KCNMB2: variants seen among roughly 807,000 people sequenced by gnomAD.
The protein encoded by KCNMB2 is calcium-activated potassium channel subunit beta-2.
A neutral mutation model predicts 24.5 loss-of-function variants in KCNMB2; 9 were observed. That is an observed-to-expected ratio of 0.37 (90% CI 0.22 to 0.64). KCNMB2 has a LOEUF of 0.64. Ranked by LOEUF, KCNMB2 falls within the 30% of genes least tolerant of loss-of-function variation. The probability of loss-of-function intolerance (pLI) is 0.63; values close to 1 mark genes in which losing one functional copy is unlikely to be tolerated. For synonymous variants in KCNMB2, 109 were observed against 104.4 expected, an observed-to-expected ratio of 1.04 and a Z score of -0.27; for missense variants, 226 against 284.3, an observed-to-expected ratio of 0.79 and a Z score of 1.47.
At chr3:178,673,963 T>C (rs553106832) in intron 1 of KCNMB2, among the ~76,000 whole-genome samples, 1 of 152,330 alleles carries the variant, frequency 6.6e-6, no homozygotes, top group South Asian at 2.1e-4. Flanking sequence ...ACCAATCGTT[T>C]TAATCATGTT....
intron 2 of KCNMB2, among the ~76,000 whole-genome samples, chr3:178,813,948 C>CGTTGTT (rs201495357): frequency 0.042 from 6,319 of 149,544 alleles, 204 homozygotes; most frequent in African/African-American, 0.086. Flanking sequence ...AACTTCACTA[C>CGTTGTT]GTTGTTGTTG....
intron 1 of KCNMB2, among the ~76,000 whole-genome samples, chr3:178,767,559 A>T (rs1712173157): frequency 6.6e-6 from 1 of 152,236 alleles, no homozygotes; most frequent in Non-Finnish European, 1.5e-5. Flanking sequence ...CGTTAGCAAG[A>T]TGTTGTTGCA....
chr3:178,662,382 G>A (rs1164363042), intron 1 of KCNMB2, among the ~76,000 whole-genome samples: 1 of 152,042 alleles, frequency 6.6e-6, no homozygotes, highest in Non-Finnish European at 1.5e-5. Flanking sequence ...TTTGAAAAAC[G>A]ATTTGAGGTA....
intron 1 of KCNMB2, among the ~76,000 whole-genome samples, chr3:178,693,085 T>C (rs759313044): frequency 3.9e-5 from 6 of 152,244 alleles, no homozygotes; most frequent in Non-Finnish European, 7.3e-5. Context: ...CTCATGATTA[T>C]TGCACATTGA....
At chr3:178,731,441 C>A (rs902610341) in intron 1 of KCNMB2, among the ~76,000 whole-genome samples, 9 of 152,148 alleles carry the variant, frequency 5.9e-5, no homozygotes, top group Non-Finnish European at 1.2e-4. Flanking sequence ...TCAGACACTG[C>A]CAAATGTCCC....
At chr3:178,688,846 G>A (rs907185495) in intron 1 of KCNMB2, among the ~76,000 whole-genome samples, 1 of 152,040 alleles carries the variant, frequency 6.6e-6, no homozygotes, top group East Asian at 1.9e-4. Context: ...GGTGGTAAAC[G>A]TTCTCATATT....
chr3:178,655,991 G>C (rs1720328833), intron 1 of KCNMB2, among the ~76,000 whole-genome samples: 1 of 152,064 alleles, frequency 6.6e-6, no homozygotes, highest in Non-Finnish European at 1.5e-5. Context: ...CCATAAAGGA[G>C]GCCCACAAAA....
intron 1 of KCNMB2, among the ~76,000 whole-genome samples, chr3:178,572,092 G>A (rs555096472): frequency 6.6e-6 from 1 of 152,308 alleles, no homozygotes; most frequent in African/African-American, 2.4e-5. Flanking sequence ...TATTTCAAAT[G>A]AATGTTACAC....
chr3:178,618,123 ACTT>A lies in KCNMB2; in HGVS notation c.-68+81414_-68+81416del, dbSNP rs1222679696. Among the ~76,000 whole-genome samples the A allele has an allele frequency of 2.6e-5, 4 of 152,254 alleles. No homozygotes were observed. In the East Asian group the frequency reaches 7.7e-4, roughly 29 times the overall value. On this transcript the variant is annotated intron_variant, in intron 1 of 4. Transcript: ENST00000452583. ...TATAAGCAAAAATGAGGGGAAAAGA[ACTT>A]CAACCAATATCAAATTATGGTTCCA...
intron 1 of KCNMB2, among the ~76,000 whole-genome samples, chr3:178,626,602 A>G (rs1346823057): frequency 6.6e-6 from 1 of 152,150 alleles, no homozygotes; most frequent in African/African-American, 2.4e-5. Context: ...AAGGGTATGC[A>G]GTGAAGTGGG....
chr3:178,648,816 G>T (rs1254432494), intron 1 of KCNMB2, among the ~76,000 whole-genome samples: 1 of 152,142 alleles, frequency 6.6e-6, no homozygotes, highest in Non-Finnish European at 1.5e-5. Flanking sequence ...CATATTTAAT[G>T]TCACTTATAG....
chr3:178,808,539 CCTT>C (rs1714069124), intron 2 of KCNMB2, among the ~76,000 whole-genome samples: 1 of 152,138 alleles, frequency 6.6e-6, no homozygotes, highest in African/African-American at 2.4e-5. Context: ...CTTTTATTTT[CCTT>C]CTAAAACCTG....
At chr3:178,580,649 G>T (rs889200197) in intron 1 of KCNMB2, among the ~76,000 whole-genome samples, 1 of 152,188 alleles carries the variant, frequency 6.6e-6, no homozygotes, top group African/African-American at 2.4e-5. Context: ...TGCTTAAGCT[G>T]ATAAGCAACT....
intron 1 of KCNMB2, among the ~76,000 whole-genome samples, chr3:178,544,251 A>T (rs1357148709): frequency 6.6e-6 from 1 of 152,180 alleles, no homozygotes; most frequent in South Asian, 2.1e-4. Context: ...CCATGGGCTC[A>T]CTAAACTCTC....
chr3:178,713,078 G>A (rs1239971600), intron 1 of KCNMB2, among the ~76,000 whole-genome samples: 1 of 152,198 alleles, frequency 6.6e-6, no homozygotes, highest in Non-Finnish European at 1.5e-5. Flanking sequence ...GTTCAAATAT[G>A]AAATGGACTG....
intron 1 of KCNMB2, among the ~76,000 whole-genome samples, chr3:178,623,660 T>A (rs539959002): frequency 1.3e-4 from 20 of 152,338 alleles, no homozygotes; most frequent in African/African-American, 4.6e-4. Context: ...AATAATAATG[T>A]TTGGTATTTG....
At chr3:178,635,003 G>C (rs1421228954) in intron 1 of KCNMB2, among the ~76,000 whole-genome samples, 2 of 152,064 alleles carry the variant, frequency 1.3e-5, no homozygotes, top group African/African-American at 4.8e-5. Context: ...GTCCCATATT[G>C]AGGCTCCTGG....
intron 1 of KCNMB2, among the ~76,000 whole-genome samples, chr3:178,802,810 T>C (rs1159497195): frequency 6.6e-6 from 1 of 151,966 alleles, no homozygotes; most frequent in Non-Finnish European, 1.5e-5. Flanking sequence ...AATGAGAAAG[T>C]ACTTCAGATT....
chr3:178,564,790 C>A (rs1716458995), intron 1 of KCNMB2, among the ~76,000 whole-genome samples: 1 of 152,104 alleles, frequency 6.6e-6, no homozygotes. Flanking sequence ...AAAATTATTA[C>A]CTCAGCAACA....
Sources: allele counts gnomAD v4.1 joint callset (sites outside exome capture counted in the v4.1 genomes callset), GRCh38; gene constraint gnomAD v4.1.1; transcripts MANE v1.5; gene names NCBI Gene and HGNC (gene_info 2026-07-23, HGNC 2026-07-21).